Variants in NDUFA10 observed in about 807,000 individuals in gnomAD.
NDUFA10 encodes NADH dehydrogenase [ubiquinone] 1 alpha subcomplex subunit 10, mitochondrial.
A neutral mutation model predicts 47.8 loss-of-function variants in NDUFA10; 40 were observed. The observed-to-expected ratio is 0.84, with a 90% CI of 0.65 to 1.09. NDUFA10 has a LOEUF of 1.09. Among genes scored for constraint, NDUFA10 ranks in the 50% least tolerant of loss-of-function variants. The probability of loss-of-function intolerance (pLI) is 0.00; values close to 1 mark genes in which losing one functional copy is unlikely to be tolerated. For missense variants in NDUFA10, 413 were observed against 451.1 expected (o/e 0.92, Z 0.76); for synonymous variants, 183 against 172.2 (o/e 1.06, Z -0.49).
intron 4 of NDUFA10, among the ~76,000 whole-genome samples, chr2:239,951,610 CGGCAGGCTTGGTCACAGCCGGGCGT>C (rs1694553228): frequency 6.6e-6 from 1 of 152,106 alleles, no homozygotes. Context: ...GATGGAGGGG[CGGCAGGCTTGGTCACAGCCGGGCGT>C]GGAGAGTCAG....
At chr2:239,901,425 T>C (rs1459860022) in intron 4 of NDUFA10, among the ~76,000 whole-genome samples, 1 of 152,068 alleles carries the variant, frequency 6.6e-6, no homozygotes, top group Non-Finnish European at 1.5e-5. Context: ...TATAGCATGA[T>C]TCACGAAGTA....
chr2:239,900,168 C>T (rs1296968937), intron 4 of NDUFA10, among the ~76,000 whole-genome samples: 1 of 152,050 alleles, frequency 6.6e-6, no homozygotes, highest in Non-Finnish European at 1.5e-5. Flanking sequence ...GGGTCTCGGG[C>T]CTTCAGCCAC....
chr2:239,961,092 T>C lies in NDUFA10; in HGVS notation c.*26A>G. The C allele has an allele frequency of 6.2e-7, 1 of 1,613,994 alleles. No homozygotes were observed. Among genetic ancestry groups the C allele is most frequent in the Non-Finnish European group, 8.5e-7 (1 of 1,179,954 alleles). ...TGATGCAGCTTGGCCATCACTGTGATGCAGCTGGAGCAGAAGGCGGCCCGT... is the reference window on the plus strand; with the variant it reads ...TGATGCAGCTTGGCCATCACTGTGACGCAGCTGGAGCAGAAGGCGGCCCGT... On this transcript the variant is annotated 3_prime_UTR_variant, in exon 10 of 10. Transcript: ENST00000252711.
chr2:240,004,192 A>C (rs573905292), intron 8 of NDUFA10, among the ~76,000 whole-genome samples: 1 of 152,122 alleles, frequency 6.6e-6, no homozygotes, highest in African/African-American at 2.4e-5. Context: ...GAAGAGGGGC[A>C]GCGGTGCTGC....
rs540648591 is a variant in NDUFA10, at chr2:239,975,736, C to T, written c.999+14338G>A. Among the ~76,000 whole-genome samples, 8 of 152,258 alleles carry T rather than the reference C, an allele frequency of 5.3e-5. No homozygotes were observed. In the South Asian group the frequency reaches 1.2e-3, roughly 24 times the overall value. On this transcript the variant is annotated intron_variant, in intron 9 of 9. Transcript: ENST00000252711. ...CCTATTCAGCCCATGACACTCCAGC[C>T]CCCAGCCCATAATCCTTCCTTCCAC...
At chr2:239,983,500 A>G in intron 9 of NDUFA10, 1 of 1,589,136 alleles carries the variant, frequency 6.3e-7, no homozygotes, top group Middle Eastern at 1.7e-4. Context: ...TCCTCTAAAC[A>G]GTCAGACAAT....
intron 8 of NDUFA10, among the ~76,000 whole-genome samples, chr2:239,995,929 AAT>A (rs1491323308): frequency 6.6e-6 from 1 of 152,232 alleles, no homozygotes; most frequent in African/African-American, 2.4e-5. Flanking sequence ...AGTACCTCAA[AAT>A]ATATGATGCA....
chr2:239,989,364 T>G (rs371600058), intron 9 of NDUFA10, among the ~76,000 whole-genome samples: 11 of 152,256 alleles, frequency 7.2e-5, no homozygotes, highest in East Asian at 5.8e-4. Context: ...TTTCAACTCA[T>G]CTACATGTTG....
Position 240,018,712 on chromosome 2 carries a change from C to T in NDUFA10, c.461-73G>A, listed in dbSNP as rs4149540. On this transcript the variant is annotated intron_variant, in intron 3 of 9. Coordinates refer to ENST00000252711, the MANE Select transcript of NDUFA10 (RefSeq NM_004544.4). ...AGCACTGTCAACTGATCACTGCATT[C>T]CAGAGAAAAGAAAATAACAATCATT... 0.66 allele frequency: 931,488 copies of T among 1,412,310 alleles called. 309,568 individuals carry two copies. The highest frequency in any genetic ancestry group is 0.76 in the African/African-American group (53,623 of 70,938). 87.5% of individuals were successfully genotyped at this position (1,412,310 alleles called of 1,614,324 possible). A position where few individuals can be genotyped will look rare whatever the true frequency, so the allele number is the denominator to read the frequency against.
At chr2:240,017,782 C>A in intron 4 of NDUFA10, 1 of 1,527,770 alleles carries the variant, frequency 6.5e-7, no homozygotes, top group Non-Finnish European at 8.9e-7. Context: ...CACAAGCAGC[C>A]AGAAGCAGGC....
chr2:239,963,384 T>C (rs541062938), intron 9 of NDUFA10, among the ~76,000 whole-genome samples: 4 of 152,310 alleles, frequency 2.6e-5, no homozygotes, highest in Admixed American at 6.5e-5. Context: ...ACTACAGGTG[T>C]CTACAAGTGG....
At position 239,962,893 on chromosome 2, in the gene NDUFA10, T is replaced by A. The variant is rs74897831; in HGVS notation, c.1000-1707A>T. On this transcript the variant is annotated intron_variant, in intron 9 of 9. Transcript: ENST00000252711. ...GGTCGACGCGCACTCTGTGAGAACA[T>A]ACTAATTACCTCCAGGAGGGCACCA... Among the ~76,000 whole-genome samples, 316 of 152,158 alleles carry A rather than the reference T, an allele frequency of 2.1e-3. 2 individuals are homozygous for A. The highest frequency in any genetic ancestry group is 7.3e-3 in the African/African-American group (303 of 41,488).
At chr2:239,998,383 C>A (rs1304370407) in intron 8 of NDUFA10, among the ~76,000 whole-genome samples, 1 of 152,206 alleles carries the variant, frequency 6.6e-6, no homozygotes, top group Non-Finnish European at 1.5e-5. Context: ...AAAACCACAT[C>A]TCCTAGGTTC....
At chr2:240,024,219 C>T (rs1697759010) in intron 1 of NDUFA10, among the ~76,000 whole-genome samples, 1 of 152,228 alleles carries the variant, frequency 6.6e-6, no homozygotes. Flanking sequence ...CTTGAAGCAA[C>T]CAAGATGCCC....
intron 4 of NDUFA10, chr2:240,017,989 C>G (rs903928653): frequency 1.1e-5 from 13 of 1,153,638 alleles, no homozygotes; most frequent in Non-Finnish European, 1.6e-5. Context: ...ACAGACACCC[C>G]AACCCCACCC....
In NDUFA10 at chr2:239,990,537, T is replaced by C. The variant is rs375303728; in HGVS notation, c.891-355A>G. 1.2e-4 allele frequency among the ~76,000 whole-genome samples: 18 copies of C among 152,320 alleles called. 1 individual carries two copies. Among genetic ancestry groups the C allele is most frequent in the Middle Eastern group, 3.4e-3 (1 of 294 alleles). On this transcript the variant is annotated intron_variant, in intron 8 of 9. Transcript: ENST00000252711. ...GGAACAAAAAGCTAGAAGCAAATGG[T>C]TACATGACAGTGCTACACACAAAGC...
Position 240,016,655 on chromosome 2 carries a change from T to C in NDUFA10, c.548-1795A>G, listed in dbSNP as rs1343651625. On this transcript the variant is annotated intron_variant, in intron 4 of 9. Transcript: ENST00000252711. This position sits in a 1 kb window ranked among gnomAD's most constrained non-coding sequence, Gnocchi z 4.4. ...TGATCATTCAGCTTCAATCCCTCAGTGGGGGTCTCATCACCCCAGAAATGG... is the reference window on the plus strand; with the variant it reads ...TGATCATTCAGCTTCAATCCCTCAGCGGGGGTCTCATCACCCCAGAAATGG... Among the ~76,000 whole-genome samples, 1 of 152,058 alleles carries C rather than the reference T, an allele frequency of 6.6e-6. No homozygotes were observed.
intron 4 of NDUFA10, among the ~76,000 whole-genome samples, chr2:240,017,441 C>T (rs545133317): frequency 6.6e-6 from 1 of 152,296 alleles, no homozygotes; most frequent in South Asian, 2.1e-4. Flanking sequence ...ATCCCATCTC[C>T]CAGCCGGTTA....
rs141632984 is a variant in NDUFA10, at chr2:239,975,386, C to T, written c.1000-14200G>A. The stretch of plus-strand genomic sequence containing the variant: ...GCAATGCGAGAACAGCCTAATACAA[C>T]CCCCACACCTTAGTCTGTGCATGGT... On this transcript the variant is annotated intron_variant, in intron 9 of 9. Coordinates refer to ENST00000252711, the MANE Select transcript of NDUFA10 (RefSeq NM_004544.4). 4.8e-3 allele frequency among the ~76,000 whole-genome samples: 732 copies of T among 152,336 alleles called. 5 individuals are homozygous for T. The highest frequency in any genetic ancestry group is 0.017 in the African/African-American group (707 of 41,566).
Sources: gnomAD v4.1 joint callset for allele counts (sites outside exome capture counted in the v4.1 genomes callset) on GRCh38, gnomAD v4.1.1 for gene constraint, Gnocchi (gnomAD v3.1) non-coding constraint, MANE v1.5 for transcripts, NCBI Gene and HGNC (gene_info 2026-07-23, HGNC 2026-07-21) for gene names.